Variants in ASIC2 observed in about 807,000 individuals in gnomAD.
ASIC2 encodes acid sensing ion channel subunit 2, also known as acid-sensing ion channel 2.
ASIC2 carries 25 observed loss-of-function variants against 57.3 expected under a neutral mutation model. The ratio of observed to expected loss-of-function variants is 0.44; its 90% confidence interval spans 0.32 to 0.61. The LOEUF is 0.61. ASIC2 is among the 20% of genes least tolerant of loss of function. The pLI is 0.06. For missense variants in ASIC2, 641 were observed against 738.1 expected (o/e 0.87, Z 1.52); for synonymous variants, 319 against 307.5 (o/e 1.04, Z -0.39).
intron 1 of ASIC2, among the ~76,000 whole-genome samples, chr17:34,016,270 A>G (rs1431719285): frequency 4.6e-5 from 7 of 151,942 alleles, no homozygotes; most frequent in Non-Finnish European, 8.8e-5. Flanking sequence ...TAAAAACACA[A>G]AAAATTGGCC....
chr17:33,171,178 G>GC (rs1346662368), intron 1 of ASIC2, among the ~76,000 whole-genome samples: 1 of 152,124 alleles, frequency 6.6e-6, no homozygotes, highest in Admixed American at 6.5e-5. Context: ...ATCTTACTCT[G>GC]CCCCTAGCTT....
chr17:34,011,007 C>CACACACACAG, intron 1 of ASIC2, among the ~76,000 whole-genome samples: 1 of 1,342 alleles, frequency 7.5e-4, no homozygotes, highest in Admixed American at 0.011. Flanking sequence ...GACACACACA[C>CACACACACAG]ACACAGATGC....
rs149681866 is a variant in ASIC2, at chr17:33,781,901, G to A, written c.555+374077C>T. ...GACTCCACTTGTAGATATAACTTGA[G>A]TGCCTCCCATTTCTTCTTCTCTGGC... On this transcript the variant is annotated intron_variant, in intron 1 of 9. Transcript: ENST00000359872. 5.1e-3 allele frequency among the ~76,000 whole-genome samples: 780 copies of A among 152,198 alleles called. 7 individuals carry two copies. Among genetic ancestry groups the A allele is most frequent in the African/African-American group, 0.018 (751 of 41,520 alleles).
At position 33,283,243 on chromosome 17, in the gene ASIC2, C is replaced by T. The variant is rs373369712; in HGVS notation, c.708+8165G>A. ...ATGCACTTTTATAGATCCAATGAAT[C>T]GGTATGGCTGAACCACAGGGATCCC... On this transcript the variant is annotated intron_variant, in intron 1 of 9. Transcript: ENST00000225823. Among the ~76,000 whole-genome samples, 10 of 152,314 alleles carry T rather than the reference C, an allele frequency of 6.6e-5. No homozygotes were observed. The South Asian group carries it at 8.3e-4, about 13-fold the overall frequency.
intron 1 of ASIC2, among the ~76,000 whole-genome samples, chr17:33,733,170 ACTCCAAC>A (rs1415384175): frequency 1.3e-5 from 2 of 152,082 alleles, no homozygotes; most frequent in African/African-American, 2.4e-5. Flanking sequence ...CTCACTTCTG[ACTCCAAC>A]CTCTGCAGGA....
intron 1 of ASIC2, among the ~76,000 whole-genome samples, chr17:33,130,758 G>A (rs1452602269): frequency 6.6e-6 from 1 of 152,228 alleles, no homozygotes; most frequent in Non-Finnish European, 1.5e-5. Flanking sequence ...TGGAGCCCGA[G>A]CTCCTCATTC....
chr17:33,559,620 G>C (rs527636691), intron 1 of ASIC2, among the ~76,000 whole-genome samples: 1 of 152,272 alleles, frequency 6.6e-6, no homozygotes, highest in African/African-American at 2.4e-5. Context: ...GTCAAAAGCA[G>C]AGATCCCCAC....
intron 1 of ASIC2, among the ~76,000 whole-genome samples, chr17:33,136,462 T>C (rs1252917329): frequency 1.3e-5 from 2 of 152,234 alleles, no homozygotes; most frequent in Non-Finnish European, 2.9e-5. Flanking sequence ...TCTATGAATG[T>C]ATGTGCATGA....
intron 1 of ASIC2, among the ~76,000 whole-genome samples, chr17:34,048,764 G>T (rs147389134): frequency 6.6e-6 from 1 of 152,206 alleles, no homozygotes; most frequent in East Asian, 1.9e-4. Context: ...GTCTTCCATC[G>T]GATGTTGTGC....
At chr17:33,352,879 TC>T in intron 1 of ASIC2, among the ~76,000 whole-genome samples, 1 of 152,126 alleles carries the variant, frequency 6.6e-6, no homozygotes, top group Non-Finnish European at 1.5e-5. Context: ...ACCTTCTCTT[TC>T]CCATGGTCTG....
Position 33,766,215 on chromosome 17 carries a change from TATTA to T in ASIC2, c.555+389759_555+389762del, listed in dbSNP as rs199932992. ...TATTGTTATAGTTGTTCTGTTTTATTATTAATTGTTAATCTCTTACTGTGCCTAA... is the reference window on the plus strand; with the variant it reads ...TATTGTTATAGTTGTTCTGTTTTATTATTGTTAATCTCTTACTGTGCCTAA... On this transcript the variant is annotated intron_variant, in intron 1 of 9. Transcript: ENST00000359872. Among the ~76,000 whole-genome samples the T allele has an allele frequency of 2.0e-5, 3 of 152,362 alleles. No individual in the cohort carries two copies. The East Asian group carries it at 5.8e-4, about 29-fold the overall frequency.
intron 1 of ASIC2, among the ~76,000 whole-genome samples, chr17:33,446,434 C>T (rs561723526): frequency 1.3e-5 from 2 of 152,166 alleles, no homozygotes; most frequent in East Asian, 3.9e-4. Context: ...ATCCTCAGGC[C>T]ATTAGCTAAA....
At chr17:33,853,949 C>T (rs1279122124) in intron 1 of ASIC2, among the ~76,000 whole-genome samples, 1 of 152,108 alleles carries the variant, frequency 6.6e-6, no homozygotes, top group Non-Finnish European at 1.5e-5. Flanking sequence ...CAGGTCTCTA[C>T]TTTATGATTC....
chr17:33,242,397 A>G (rs1034632203), intron 1 of ASIC2, among the ~76,000 whole-genome samples: 2 of 152,162 alleles, frequency 1.3e-5, no homozygotes, highest in East Asian at 1.9e-4. Context: ...GAAAATCACA[A>G]CTGCCTGTGT....
intron 1 of ASIC2, among the ~76,000 whole-genome samples, chr17:33,444,043 T>C (rs1018774721): frequency 1.3e-5 from 2 of 152,190 alleles, no homozygotes; most frequent in Non-Finnish European, 2.9e-5. Context: ...AAAAATGCCC[T>C]AGACTCCCTC....
intron 1 of ASIC2, among the ~76,000 whole-genome samples, chr17:34,041,607 G>A (rs564045673): frequency 2.0e-5 from 3 of 152,316 alleles, no homozygotes; most frequent in East Asian, 1.9e-4. Context: ...TGGTGTCAGA[G>A]AAGTAAATAC....
At chr17:33,382,666 G>A (rs576634246) in intron 1 of ASIC2, among the ~76,000 whole-genome samples, 6 of 152,162 alleles carry the variant, frequency 3.9e-5, no homozygotes, top group Non-Finnish European at 8.8e-5. Context: ...GACTATCCTT[G>A]TTTTATAGAG....
intron 1 of ASIC2, among the ~76,000 whole-genome samples, chr17:33,986,027 T>C (rs1267968407): frequency 6.6e-6 from 1 of 152,202 alleles, no homozygotes; most frequent in Non-Finnish European, 1.5e-5. Context: ...CTATGGAATT[T>C]CATAACCCAC....
intron 1 of ASIC2, among the ~76,000 whole-genome samples, chr17:33,665,098 A>G (rs1336679511): frequency 6.6e-6 from 1 of 152,152 alleles, no homozygotes; most frequent in African/African-American, 2.4e-5. Context: ...GAGTTACCCA[A>G]GGTCACACGA....
Sources: gnomAD v4.1 joint callset for allele counts (sites outside exome capture counted in the v4.1 genomes callset) on GRCh38, gnomAD v4.1.1 for gene constraint, MANE v1.5 for transcripts, NCBI Gene and HGNC (gene_info 2026-07-23, HGNC 2026-07-21) for gene names.